Variants in ABCA3 observed in about 807,000 individuals in gnomAD.
ABCA3 encodes the protein phospholipid-transporting ATPase ABCA3.
A neutral mutation model predicts 172.8 loss-of-function variants in ABCA3; 88 were observed. That is an observed-to-expected ratio of 0.51 (90% CI 0.43 to 0.61). The LOEUF is 0.61. Among genes scored for constraint, ABCA3 ranks in the 20% least tolerant of loss-of-function variants. The probability of loss-of-function intolerance (pLI) is 0.00; values close to 1 mark genes in which losing one functional copy is unlikely to be tolerated. For missense variants in ABCA3, 2,164 were observed against 2,301.0 expected (o/e 0.94, Z 1.22); for synonymous variants, 1,066 against 983.8 (o/e 1.08, Z -1.56).
Position 2,285,938 on chromosome 16 carries a change from G to A in ABCA3, c.3279-292C>T, listed in dbSNP as rs1407117743. 6.6e-6 allele frequency among the ~76,000 whole-genome samples: 1 copy of A among 152,202 alleles called. No individual in the cohort carries two copies. The highest frequency in any genetic ancestry group is 1.9e-4 in the East Asian group (1 of 5,192). On this transcript the variant is annotated intron_variant, in intron 22 of 32. Transcript: ENST00000301732. This position sits in a 1 kb window ranked among gnomAD's most constrained non-coding sequence, Gnocchi z 4.7. ...CTGCCGGCGACCTTGCCCAGGTGTG[G>A]AGGTCCCGAGCCCCACCTCCTCCTG...
intron 5 of ABCA3, 96 bp downstream of exon 5, chr16:2,325,914 A>T: frequency 6.4e-7 from 1 of 1,564,872 alleles, no homozygotes; most frequent in Non-Finnish European, 8.7e-7. Context: ...TGAACTCCTC[A>T]CCCAGCTGCT....
chr16:2,299,484 G>A lies in ABCA3; in HGVS notation c.1660C>T (p.Leu554Phe). Residue 554 changes from leucine to phenylalanine, a missense_variant, in exon 14 of 33, where the codon CTC (leucine) becomes TTC (phenylalanine). Transcript: ENST00000301732. The stretch of plus-strand genomic sequence containing the variant: ...GTGATCTGTCCCTCGTACAGGTTGA[G>A]GTTCAGGTCTCTGACGGCCGCCCTG... ...KDRAAVRDLN[L>F]NLYEGQITVL... is the part of the protein sequence containing the mutation. 1.2e-6 allele frequency: 2 copies of A among 1,613,884 alleles called. No individual in the cohort carries two copies. Among genetic ancestry groups the A allele is most frequent in the Non-Finnish European group, 8.5e-7 (1 of 1,179,980 alleles).
At chr16:2,333,892 G>A (rs967736566) in intron 1 of ABCA3, among the ~76,000 whole-genome samples, 3 of 151,960 alleles carry the variant, frequency 2.0e-5, no homozygotes, top group Non-Finnish European at 4.4e-5. Flanking sequence ...GTTTCACCAT[G>A]CTGGCCAGGC....
Position 2,323,702 on chromosome 16 carries a change from G to A in ABCA3, c.448-14C>T, listed in dbSNP as rs62040683. ...GTGATATTTCACCTGTGGAAACAAA[G>A]AGAAAACCAGCTGTTCCGAGAGATC... On this transcript the variant is annotated splice_polypyrimidine_tract_variant and intron_variant, in intron 6 of 32. Transcript: ENST00000301732. 6.2e-7 allele frequency: 1 copy of A among 1,614,076 alleles called. No homozygotes were observed. Among genetic ancestry groups the A allele is most frequent in the Admixed American group, 1.7e-5 (1 of 60,014 alleles).
At chr16:2,311,522 AT>A (rs113972614) in intron 10 of ABCA3, among the ~76,000 whole-genome samples, 22 of 148,332 alleles carry the variant, frequency 1.5e-4, no homozygotes, top group Admixed American at 8.8e-4. Context: ...TGCAGTTTGG[AT>A]TTTTTTTTTA....
chr16:2,300,201 A>G, intron 12 of ABCA3, 53 bp from the exon 13 acceptor site: 2 of 1,610,490 alleles, frequency 1.2e-6, no homozygotes, highest in Non-Finnish European at 1.7e-6. Flanking sequence ...CGAGCAAAGC[A>G]ACAACCAGCA....
At chr16:2,331,222 C>T (rs11865442) in intron 1 of ABCA3, among the ~76,000 whole-genome samples, 18,487 of 151,798 alleles carry the variant, frequency 0.12, 3,592 homozygotes, top group African/African-American at 0.41. Flanking sequence ...CTTTTCTTTT[C>T]TTTTTTTCTG....
intron 3 of ABCA3, among the ~76,000 whole-genome samples, chr16:2,327,649 G>A (rs976196992): frequency 2.4e-4 from 37 of 152,294 alleles, no homozygotes; most frequent in Middle Eastern, 3.4e-3. Flanking sequence ...CCTAAAGACC[G>A]GCTTTTCCTG....
chr16:2,293,482 T>C (rs1596840119), intron 18 of ABCA3, among the ~76,000 whole-genome samples: 1 of 146,736 alleles, frequency 6.8e-6, no homozygotes, highest in Admixed American at 6.9e-5. Context: ...AGCAATCCTC[T>C]CACCTCAGCC....
rs766690607 is a variant in ABCA3 at position 2,277,931 on chromosome 16, C to T, written c.4857G>A (p.Gly1619=). The T allele has an allele frequency of 1.2e-6, 2 of 1,611,628 alleles. No individual in the cohort carries two copies. The highest frequency in any genetic ancestry group is 4.5e-5 in the East Asian group (2 of 44,890). ...TGAACTCCTCCAGCGCCTCCTGTTG[C>T]CCTTCACTCTGCACCTTGGCCCGCA... The part of the protein sequence containing the change: ...YSLRAKVQSE[G]QQEALEEFKA... Residue 1619 remains glycine, a synonymous_variant, in exon 31 of 33, where the codon GGG becomes GGA. Transcript: ENST00000301732. This position sits in a 1 kb window ranked among gnomAD's most constrained non-coding sequence, Gnocchi z 5.3.
chr16:2,280,153 G>A (rs1397764661), intron 28 of ABCA3, among the ~76,000 whole-genome samples: 1 of 152,214 alleles, frequency 6.6e-6, no homozygotes, highest in Non-Finnish European at 1.5e-5. Flanking sequence ...CAGATTACAT[G>A]TACTGGGGAC....
In ABCA3 at chr16:2,276,651, G is replaced by A; in HGVS notation, c.*23C>T. 1.2e-6 allele frequency: 2 copies of A among 1,611,586 alleles called. No individual in the cohort carries two copies. Among genetic ancestry groups the A allele is most frequent in the Non-Finnish European group, 8.5e-7 (1 of 1,179,856 alleles). On this transcript the variant is annotated 3_prime_UTR_variant, in exon 33 of 33. Coordinates refer to ENST00000301732, the MANE Select transcript of ABCA3 (RefSeq NM_001089.3). The stretch of plus-strand genomic sequence containing the variant: ...CTGCTTGCCCGTCCTGTCCCTGCCT[G>A]ATGGCGAGACAGCCGCCACCCCTCA...
At chr16:2,321,712 G>A (rs1231146483) in intron 7 of ABCA3, among the ~76,000 whole-genome samples, 4 of 152,076 alleles carry the variant, frequency 2.6e-5, no homozygotes, top group South Asian at 2.1e-4. Context: ...AGGTCCACAC[G>A]AAGACACACA....
chr16:2,276,385 C>T lies in ABCA3; in HGVS notation c.*289G>A, dbSNP rs962206683. On this transcript the variant is annotated 3_prime_UTR_variant, in exon 33 of 33. Transcript: ENST00000301732. ...AGCTCAGCTGCAGCCCTTCCTGGGT[C>T]AGCTCTCCACCCAGAGACCCCGGAG... 8 of 560,514 alleles carry T rather than the reference C, an allele frequency of 1.4e-5. No homozygotes were observed. Among genetic ancestry groups the T allele is most frequent in the East Asian group, 4.2e-5 (1 of 23,838 alleles). 34.7% of individuals were successfully genotyped at this position (560,514 alleles called of 1,614,324 possible).
Position 2,277,340 on chromosome 16 carries a change from C to T in ABCA3, c.4983+257G>A, listed in dbSNP as rs45593836. On this transcript the variant is annotated intron_variant, in intron 32 of 32. Transcript: ENST00000301732. The surrounding 1 kb of genome is among the most constrained non-coding windows in gnomAD (Gnocchi z 5.3). ...CCAGGCTTAAGCAATCCTCCCTCCT[C>T]GGCCTCCCAAAGTGCTGGGATTATG... Among the ~76,000 whole-genome samples, 1,710 of 152,312 alleles carry T rather than the reference C, an allele frequency of 0.011. 35 individuals are homozygous for T. The highest frequency in any genetic ancestry group is 0.039 in the African/African-American group (1,616 of 41,552).
At chr16:2,332,552 T>G (rs896349795) in intron 1 of ABCA3, 1 of 1,129,186 alleles carries the variant, frequency 8.9e-7, no homozygotes, top group Admixed American at 1.8e-5. Flanking sequence ...CGGACACGAA[T>G]GTCCACACCA....
chr16:2,280,538 C>G (rs2093653450), intron 28 of ABCA3, among the ~76,000 whole-genome samples: 1 of 152,238 alleles, frequency 6.6e-6, no homozygotes, highest in African/African-American at 2.4e-5. Flanking sequence ...TTCTCAGCCC[C>G]AGGCCCTGCT....
rs759661714 is a variant in ABCA3, at chr16:2,281,257, G to T, written c.4165-36C>A. 98 of 1,613,096 alleles carry T rather than the reference G, an allele frequency of 6.1e-5. No homozygotes were observed. Among genetic ancestry groups the T allele is most frequent in the Non-Finnish European group, 8.1e-5 (95 of 1,179,898 alleles). Reference sequence around the variant, plus strand: ...CCAACAGAAAACACGGAATGCGGAGGCCTGGACGCAAAGCAGAGCAGTCTG... The same window carrying T: ...CCAACAGAAAACACGGAATGCGGAGTCCTGGACGCAAAGCAGAGCAGTCTG... On this transcript the variant is annotated intron_variant, in intron 27 of 32. Coordinates refer to ENST00000301732, the MANE Select transcript of ABCA3 (RefSeq NM_001089.3). The surrounding 1 kb of genome is among the most constrained non-coding windows in gnomAD (Gnocchi z 4.7).
At chr16:2,291,995 C>T (rs1355801063) in intron 19 of ABCA3, 145 bp downstream of exon 19, 2 of 649,638 alleles carry the variant, frequency 3.1e-6, no homozygotes, top group East Asian at 3.2e-5. Context: ...ATCTCTTGAA[C>T]CCAGGAGGCG....
Sources: gnomAD v4.1 joint callset for allele counts (sites outside exome capture counted in the v4.1 genomes callset) on GRCh38, gnomAD v4.1.1 for gene constraint, Gnocchi (gnomAD v3.1) non-coding constraint, MANE v1.5 for transcripts, NCBI Gene and HGNC (gene_info 2026-07-23, HGNC 2026-07-21) for gene names.